IQGAP3: variants seen among roughly 807,000 people sequenced by gnomAD.
IQGAP3 encodes the protein ras GTPase-activating-like protein IQGAP3.
IQGAP3 carries 165 observed loss-of-function variants against 208.2 expected under a neutral mutation model. The observed-to-expected ratio is 0.79, with a 90% CI of 0.70 to 0.90. The LOEUF is 0.90. Among genes scored for constraint, IQGAP3 ranks in the 40% least tolerant of loss-of-function variants. IQGAP3 has a pLI of 0.00. For missense variants in IQGAP3, 1,811 were observed against 2,043.1 expected (o/e 0.89, Z 2.19); for synonymous variants, 703 against 803.6 (o/e 0.87, Z 2.12).
At chr1:156,566,666 T>A (rs1308251321) in intron 2 of IQGAP3, 120 bp from the exon 3 acceptor site, 4 of 920,482 alleles carry the variant, frequency 4.3e-6, no homozygotes, top group Non-Finnish European at 6.6e-6. Context: ...TGCTTCCTGT[T>A]CCTGCTCTAC....
chr1:156,566,661 C>T, intron 2 of IQGAP3, 115 bp from the exon 3 acceptor site: 1 of 949,466 alleles, frequency 1.1e-6, no homozygotes, highest in Non-Finnish European at 1.6e-6. Flanking sequence ...TCCTCTGCTT[C>T]CTGTTCCTGC....
At chr1:156,548,869 T>G in intron 16 of IQGAP3, 121 bp from the exon 17 acceptor site, 2 of 981,342 alleles carry the variant, frequency 2.0e-6, no homozygotes, top group South Asian at 2.3e-5. Context: ...TCTGAAGGAG[T>G]AGACGGGAAC....
chr1:156,569,185 T>C (rs1676529452), intron 2 of IQGAP3, among the ~76,000 whole-genome samples, 191 bp downstream of exon 2: 1 of 151,808 alleles, frequency 6.6e-6, no homozygotes. Flanking sequence ...AGATACATAT[T>C]GCGGTATATA....
intron 13 of IQGAP3, 131 bp downstream of exon 13, chr1:156,554,104 C>A (rs1675699486): frequency 1.2e-5 from 13 of 1,119,408 alleles, no homozygotes; most frequent in Non-Finnish European, 1.7e-5. Context: ...GAACTGTGAA[C>A]AGACCCAGAG....
At chr1:156,569,612 G>A (rs945060657) in intron 1 of IQGAP3, 149 bp from the exon 2 acceptor site, 7 of 388,482 alleles carry the variant, frequency 1.8e-5, no homozygotes, top group African/African-American at 7.4e-5. Flanking sequence ...TCCGCCTCCC[G>A]GGTTCATGCC....
intron 11 of IQGAP3, among the ~76,000 whole-genome samples, chr1:156,557,323 A>C (rs1451316972): frequency 4.0e-3 from 12 of 3,000 alleles, no homozygotes; most frequent in African/African-American, 4.2e-3. Context: ...CCAGCCGCCC[A>C]GTCCGGGAGG....
rs757573575 is a variant in IQGAP3 at position 156,531,847 on chromosome 1, C to T, written c.4104-600G>A. On this transcript the variant is annotated intron_variant, in intron 32 of 37. Coordinates refer to ENST00000361170, the MANE Select transcript of IQGAP3 (RefSeq NM_178229.5). ...CTCGAACTCCTGACCTCAGGTGATC[C>T]ACCTGCCTCGGCCTCCCAAAGTGCT... Among the ~76,000 whole-genome samples the T allele has an allele frequency of 1.0e-3, 153 of 151,926 alleles. 1 individual carries two copies. The highest frequency in any genetic ancestry group is 9.9e-4 in the East Asian group (5 of 5,072).
Position 156,538,864 on chromosome 1 carries a change from C to T in IQGAP3, c.3226G>A (p.Val1076Ile). The change falls in exon 26 of 38, where the codon GTC becomes ATC. Residue 1076 changes from valine to isoleucine, a missense_variant. Val to Ile is a conservative substitution (Grantham distance 29). Transcript: ENST00000361170. ...TTGATCCAGTTCTTATAGAGGTGGA[C>T]AGGGTCTGTGTGGACGCTGAGCACT... The part of the protein sequence containing the change: ...DKVLSVHTDP[V>I]HLYKNWINQT... 2 of 1,614,222 alleles carry T rather than the reference C, an allele frequency of 1.2e-6. No individual in the cohort carries two copies. The highest frequency in any genetic ancestry group is 1.7e-6 in the Non-Finnish European group (2 of 1,180,044).
At chr1:156,555,422 C>T (rs867384395) in intron 12 of IQGAP3, among the ~76,000 whole-genome samples, 3 of 152,104 alleles carry the variant, frequency 2.0e-5, no homozygotes, top group Admixed American at 6.6e-5. Flanking sequence ...GATGGGGTTT[C>T]GCCATGTTGG....
At chr1:156,550,163 G>A in intron 16 of IQGAP3, 98 bp downstream of exon 16, 1 of 789,494 alleles carries the variant, frequency 1.3e-6, no homozygotes, top group Non-Finnish European at 2.2e-6. Flanking sequence ...GTTGAAGGGA[G>A]AGGGTGGTGA....
chr1:156,561,019 C>T lies in IQGAP3; in HGVS notation c.1044G>A (p.Glu348=), dbSNP rs1557943174. ...LNSDREQKAQ[E]LGLVELLEKE... ...TTTCCAGAAGCTCCACCAGGCCCAG[C>T]TCCTAAGAGAGGGAAGAGATACAGT... is the stretch of plus-strand genomic sequence containing the variant. The change falls in exon 11 of 38, where the codon GAG becomes GAA. Residue 348 remains glutamate, a splice_region_variant and synonymous_variant. Coordinates refer to ENST00000361170, the MANE Select transcript of IQGAP3 (RefSeq NM_178229.5). 2.5e-6 allele frequency: 4 copies of T among 1,612,406 alleles called. No homozygotes were observed. Among genetic ancestry groups the T allele is most frequent in the Non-Finnish European group, 3.4e-6 (4 of 1,178,636 alleles).
At chr1:156,535,859 G>A (rs1052053294) in intron 27 of IQGAP3, among the ~76,000 whole-genome samples, 1 of 152,146 alleles carries the variant, frequency 6.6e-6, no homozygotes, top group Non-Finnish European at 1.5e-5. Flanking sequence ...CTAGAAAATG[G>A]GAATGATCAT....
intron 12 of IQGAP3, among the ~76,000 whole-genome samples, chr1:156,554,739 C>T (rs1213356649): frequency 1.3e-5 from 2 of 152,196 alleles, no homozygotes; most frequent in African/African-American, 4.8e-5. Flanking sequence ...GCTCTACCAG[C>T]TCCCATTGGT....
At chr1:156,560,072 A>T (rs1676075467) in intron 11 of IQGAP3, among the ~76,000 whole-genome samples, 1 of 152,218 alleles carries the variant, frequency 6.6e-6, no homozygotes, top group Non-Finnish European at 1.5e-5. Context: ...ACCTGACAGC[A>T]AGTCCAGACT....
Position 156,563,663 on chromosome 1 carries a change from T to C in IQGAP3, c.509A>G (p.Glu170Gly), listed in dbSNP as rs779851352. Residue 170 changes from glutamate (E) to glycine (G), a missense_variant, in exon 7 of 38, where the codon GAG becomes GGG. Glu to Gly is a moderately conservative substitution (Grantham distance 98). Coordinates refer to ENST00000361170, the MANE Select transcript of IQGAP3 (RefSeq NM_178229.5). Reference protein sequence around the residue: ...DLYGKVKFTAEELSNMASELA... With the variant: ...DLYGKVKFTAGELSNMASELA... Reference sequence around the variant, plus strand: ...TTCGGACGCCATGTTGCTGAGTTCCTCAGCTGCAATGATGCCACAGGTGCC... The same window carrying C: ...TTCGGACGCCATGTTGCTGAGTTCCCCAGCTGCAATGATGCCACAGGTGCC... 1 of 1,612,000 alleles carries C rather than the reference T, an allele frequency of 6.2e-7. No homozygotes were observed. The highest frequency in any genetic ancestry group is 2.2e-5 in the East Asian group (1 of 44,826).
chr1:156,544,577 C>G, intron 19 of IQGAP3, 105 bp from the exon 20 acceptor site: 1 of 926,798 alleles, frequency 1.1e-6, no homozygotes, highest in Non-Finnish European at 1.8e-6. Context: ...TGGAAGGGGG[C>G]AGTTAAATAG....
In IQGAP3 at chr1:156,530,176, G is replaced by A. The variant is rs372435844; in HGVS notation, c.4333C>T (p.Arg1445Cys). The part of the protein sequence containing the change: ...EKQRRVLRNL[R>C]RLEALGLVSA... ...ACCAACCCCAGGGCTTCAAGTCGGC[G>A]TAGGTTCCGCAGGACGCGCCGCTGC... The change falls in exon 34 of 38, where the codon CGC becomes TGC. Residue 1445 changes from arginine to cysteine, a missense_variant. Transcript: ENST00000361170. The A allele has an allele frequency of 1.5e-5, 24 of 1,611,966 alleles. No individual in the cohort carries two copies. The highest frequency in any genetic ancestry group is 3.4e-5 in the Admixed American group (2 of 59,652).
intron 22 of IQGAP3, among the ~76,000 whole-genome samples, chr1:156,541,121 T>C (rs1674958372): frequency 6.6e-6 from 1 of 151,848 alleles, no homozygotes; most frequent in African/African-American, 2.4e-5. Flanking sequence ...GCTTCCTGTC[T>C]TATAACTGGA....
chr1:156,541,954 G>A (rs1171571), intron 22 of IQGAP3, among the ~76,000 whole-genome samples: 35,888 of 152,030 alleles, frequency 0.24, 4,777 homozygotes, highest in East Asian at 0.54. Flanking sequence ...TGTGGGGAGT[G>A]CTGGAAGTCC....
Sources: gnomAD v4.1 joint callset for allele counts (sites outside exome capture counted in the v4.1 genomes callset) on GRCh38, gnomAD v4.1.1 for gene constraint, MANE v1.5 for transcripts, NCBI Gene and HGNC (gene_info 2026-07-23, HGNC 2026-07-21) for gene names.